PPP1R8: variants seen among roughly 807,000 people sequenced by gnomAD.
PPP1R8 encodes the protein protein phosphatase 1 regulatory subunit 8.
Under a neutral mutation model 31.3 loss-of-function variants are expected in PPP1R8, and 4 were observed. That is an observed-to-expected ratio of 0.13 (90% CI 0.06 to 0.29). PPP1R8 has a LOEUF of 0.29. Ranked by LOEUF, PPP1R8 falls within the 10% of genes least tolerant of loss-of-function variation. The pLI is 1.00. For missense variants in PPP1R8, 254 were observed against 440.1 expected, an observed-to-expected ratio of 0.58 and a Z score of 3.78; for synonymous variants, 170 against 169.7, an observed-to-expected ratio of 1.00 and a Z score of -0.01.
intron 6 of PPP1R8, among the ~76,000 whole-genome samples, chr1:27,848,053 T>G (rs2089302782): frequency 6.6e-6 from 1 of 152,200 alleles, no homozygotes; most frequent in African/African-American, 2.4e-5. Context: ...GCCTTTATTT[T>G]ATGAGTGGCA....
chr1:27,834,342 C>G, intron 2 of PPP1R8: 1 of 486,378 alleles, frequency 2.1e-6, no homozygotes, highest in Non-Finnish European at 4.1e-6. Context: ...CCTTAGACAT[C>G]ACTGTATTCT....
intron 1 of PPP1R8, chr1:27,831,092 A>C (rs2089098097): frequency 7.4e-7 from 1 of 1,359,396 alleles, no homozygotes; most frequent in East Asian, 3.0e-5. Flanking sequence ...GAACTGAAGA[A>C]ACCCGGGGTT....
intron 1 of PPP1R8, chr1:27,831,456 C>G (rs184236562): frequency 1.5e-6 from 1 of 674,032 alleles, no homozygotes; most frequent in East Asian, 1.4e-4. Context: ...CTTTTTATCC[C>G]TTCGAAAGTT....
At chr1:27,836,902 G>A (rs188707122) in intron 2 of PPP1R8, among the ~76,000 whole-genome samples, 9 of 152,084 alleles carry the variant, frequency 5.9e-5, no homozygotes, top group Admixed American at 5.9e-4. Context: ...AAATACTTTG[G>A]GACTATGGCA....
intron 2 of PPP1R8, among the ~76,000 whole-genome samples, chr1:27,838,428 A>G (rs2089192054): frequency 6.6e-6 from 1 of 152,130 alleles, no homozygotes; most frequent in Admixed American, 6.6e-5. Context: ...ACACTAGACA[A>G]ACACTACATT....
chr1:27,850,638 C>T lies in PPP1R8; in HGVS notation c.*192C>T. On this transcript the variant is annotated 3_prime_UTR_variant, in exon 7 of 7. Transcript: ENST00000311772. ...AGCCCATAAAGACCTGTCTTCACAA[C>T]ACTTGCATTGTAGAGAAAGGCTTCT... The T allele has an allele frequency of 3.5e-6, 2 of 573,768 alleles. No homozygotes were observed. Among genetic ancestry groups the T allele is most frequent in the East Asian group, 2.8e-5 (1 of 35,622 alleles). 35.5% of individuals were successfully genotyped at this position (573,768 alleles called of 1,614,324 possible).
chr1:27,844,250 G>A (rs1207483872), intron 5 of PPP1R8, among the ~76,000 whole-genome samples: 1 of 152,124 alleles, frequency 6.6e-6, no homozygotes, highest in East Asian at 1.9e-4. Context: ...CGATCCTCCT[G>A]CCTCAGTCTC....
At chr1:27,841,361 C>T (rs2089221082) in intron 4 of PPP1R8, 127 bp downstream of exon 4, 2 of 949,084 alleles carry the variant, frequency 2.1e-6, no homozygotes, top group Admixed American at 2.7e-5. Flanking sequence ...CAGTAATGGG[C>T]CTTTGGCAAT....
chr1:27,840,951 T>C (rs2089216978), intron 3 of PPP1R8, 63 bp from the exon 4 acceptor site: 2 of 1,545,654 alleles, frequency 1.3e-6, no homozygotes, highest in Admixed American at 1.7e-5. Flanking sequence ...GATCATACTC[T>C]TCCTTCTAAA....
intron 3 of PPP1R8, 32 bp from the exon 4 acceptor site, chr1:27,840,981 TC>T (rs550180232): frequency 1.9e-6 from 3 of 1,606,138 alleles, no homozygotes; most frequent in South Asian, 2.2e-5. Context: ...GTTTTTGTTT[TC>T]CCCCTTACGT....
intron 1 of PPP1R8, among the ~76,000 whole-genome samples, chr1:27,831,875 C>T (rs2089112621): frequency 6.6e-6 from 1 of 152,140 alleles, no homozygotes; most frequent in Admixed American, 6.5e-5. Flanking sequence ...TCTAAAGGTT[C>T]TAGTGAGGTG....
Position 27,850,361 on chromosome 1 carries a change from C to T in PPP1R8, c.971C>T (p.Pro324Leu), listed in dbSNP as rs1420172132. The T allele has an allele frequency of 1.2e-6, 2 of 1,614,138 alleles. No homozygotes were observed. The highest frequency in any genetic ancestry group is 1.7e-6 in the Non-Finnish European group (2 of 1,180,040). The change falls in exon 7 of 7, where the codon CCT (proline) becomes CTT (leucine). Residue 324 changes from proline to leucine, a missense_variant. Around this residue, in one of 6 missense-constraint regions of PPP1R8, gnomAD observed 105 missense variants for 128.0 expected, o/e 0.82. Transcript: ENST00000311772. ...GCACCAAACCCTGCAGTCTATAACC[C>T]TGAAGCTGTAAATGAACCCAAGAAG... ...NPAPNPAVYN[P>L]EAVNEPKKKK... is the part of the protein sequence containing the mutation.
Position 27,830,853 on chromosome 1 carries a change from C to T in PPP1R8, c.18C>T (p.Asn6=), listed in dbSNP as rs780184937. 4 of 1,576,470 alleles carry T rather than the reference C, an allele frequency of 2.5e-6. No individual in the cohort carries two copies. Among genetic ancestry groups the T allele is most frequent in the South Asian group, 1.2e-5 (1 of 85,932 alleles). MAAAA[N]SGSSLPLFDC... is the part of the protein sequence containing the mutation. ...GACGCAAGATGGCGGCAGCCGCGAACTCCGGCTCTAGCCTCCCGCTGTTCG... is the reference window on the plus strand; with the variant it reads ...GACGCAAGATGGCGGCAGCCGCGAATTCCGGCTCTAGCCTCCCGCTGTTCG... The change falls in exon 1 of 7, where the codon AAC becomes AAT. Residue 6 remains asparagine, a synonymous_variant. Coordinates refer to ENST00000311772, the MANE Select transcript of PPP1R8 (RefSeq NM_014110.5).
At chr1:27,830,935 T>G (rs41284290) in intron 1 of PPP1R8, 44 bp downstream of exon 1, 116,015 of 1,505,402 alleles carry the variant, frequency 0.077, 4,982 homozygotes, top group Admixed American at 0.11. Flanking sequence ...CGGCCGGAGC[T>G]AGCCTGGGCT....
intron 1 of PPP1R8, chr1:27,831,117 GCTC>G: frequency 7.5e-7 from 1 of 1,336,160 alleles, no homozygotes. Context: ...GCTCAAAGGC[GCTC>G]ACTTAGGCAG....
At chr1:27,840,564 G>C (rs1477099645) in intron 3 of PPP1R8, among the ~76,000 whole-genome samples, 1 of 152,174 alleles carries the variant, frequency 6.6e-6, no homozygotes, top group African/African-American at 2.4e-5. Flanking sequence ...CTTGGAGCTG[G>C]AGAGGGAAAA....
chr1:27,848,266 G>A (rs1029369203), intron 6 of PPP1R8, among the ~76,000 whole-genome samples: 3 of 152,210 alleles, frequency 2.0e-5, no homozygotes, highest in South Asian at 2.1e-4. Flanking sequence ...TTAGTTGGGC[G>A]TGGTGGTGGG....
chr1:27,831,896 C>G (rs777995297), intron 1 of PPP1R8, among the ~76,000 whole-genome samples: 1 of 152,098 alleles, frequency 6.6e-6, no homozygotes, highest in South Asian at 2.1e-4. Context: ...GTTCTTTTTT[C>G]TAACTTCAAA....
At chr1:27,847,271 C>G (rs2089290443) in intron 6 of PPP1R8, among the ~76,000 whole-genome samples, 179 bp downstream of exon 6, 8 of 152,126 alleles carry the variant, frequency 5.3e-5, no homozygotes, top group Admixed American at 5.2e-4. Flanking sequence ...CTTTGGGAGG[C>G]CAAGGCAGGC....
Sources: allele counts gnomAD v4.1 joint callset (sites outside exome capture counted in the v4.1 genomes callset), GRCh38; gene constraint gnomAD v4.1.1; regional missense constraint gnomAD v4.1.1; transcripts MANE v1.5; gene names NCBI Gene and HGNC (gene_info 2026-07-23, HGNC 2026-07-21).